Variants in KLHL15 observed in about 807,000 individuals in gnomAD.
KLHL15 encodes the protein kelch like family member 15.
A neutral mutation model predicts 29.3 loss-of-function variants in KLHL15; 1 was observed. That is an observed-to-expected ratio of 0.03 (90% CI 0.01 to 0.16). The LOEUF is 0.16. Ranked by LOEUF, KLHL15 falls within the 10% of genes least tolerant of loss-of-function variation. The pLI is 1.00. For missense variants in KLHL15, 215 were observed against 478.5 expected (o/e 0.45, Z 5.14); for synonymous variants, 212 against 184.5 (o/e 1.15, Z -1.21).
rs1036331601 is a variant in KLHL15 at position 24,025,060 on chromosome X, T to C, written c.-209-2A>G. On this transcript the variant is annotated splice_acceptor_variant, in intron 1 of 3. Transcript: ENST00000328046. LOFTEE classifies it low-confidence loss of function (5UTR_SPLICE). ...CCTGCAGCCCCCTCTGGATAAGTCC[T>C]GGGAAAGAAGACAGCGCTGAGTCGA... 7 of 296,116 alleles carry C rather than the reference T, an allele frequency of 2.4e-5. No individual in the cohort carries two copies. Among genetic ancestry groups the C allele is most frequent in the Non-Finnish European group, 2.9e-5 (5 of 169,524 alleles). 24.4% of individuals were successfully genotyped at this position (296,116 alleles called of 1,213,427 possible).
chrX:23,999,012 T>A (rs905761034), intron 3 of KLHL15, among the ~76,000 whole-genome samples: 2 of 111,295 alleles, frequency 1.8e-5, no homozygotes, highest in East Asian at 5.8e-4. Flanking sequence ...TTCAAGCGGA[T>A]TCTCCTGCCT....
chrX:24,027,036 A>G (rs1469690936), intron 1 of KLHL15, 104 bp downstream of exon 1: 1 of 112,647 alleles, frequency 8.9e-6, no homozygotes, highest in Non-Finnish European at 1.9e-5. Flanking sequence ...TCCACTTCTG[A>G]ATATTTAAAT....
chrX:24,000,486 TAAAA>T (rs1035699433), intron 3 of KLHL15, among the ~76,000 whole-genome samples: 3 of 91,860 alleles, frequency 3.3e-5, no homozygotes, highest in African/African-American at 1.5e-4. Context: ...AAATAAATAA[TAAAA>T]AAAGTTTGTT....
intron 3 of KLHL15, among the ~76,000 whole-genome samples, chrX:24,000,798 C>T (rs1929297782): frequency 8.9e-6 from 1 of 112,459 alleles, no homozygotes; most frequent in Admixed American, 9.5e-5. Flanking sequence ...GGGCATACAG[C>T]ACCTACAGTT....
chrX:24,025,262 G>A (rs1929900182), intron 1 of KLHL15, among the ~76,000 whole-genome samples: 1 of 110,507 alleles, frequency 9.0e-6, no homozygotes, highest in African/African-American at 3.3e-5. Flanking sequence ...AGCCGAGGAA[G>A]CGTCGAGGAC....
chrX:24,004,278 C>T (rs1929397699), intron 3 of KLHL15, among the ~76,000 whole-genome samples: 1 of 110,737 alleles, frequency 9.0e-6, no homozygotes, highest in Non-Finnish European at 1.9e-5. Flanking sequence ...ATTGCTGGAA[C>T]CCAGGAGGTG....
intron 2 of KLHL15, among the ~76,000 whole-genome samples, chrX:24,010,751 T>C (rs991254862): frequency 2.7e-5 from 3 of 111,472 alleles, no homozygotes; most frequent in African/African-American, 9.8e-5. Context: ...GGTATTTATA[T>C]GGACCCCGAG....
chrX:24,007,507 AAAT>A (rs1481439061), intron 2 of KLHL15, among the ~76,000 whole-genome samples: 15 of 51,883 alleles, frequency 2.9e-4, no homozygotes, highest in African/African-American at 1.4e-3. Context: ...AAAAAAAAAA[AAAT>A]ATATATATAT....
At position 24,025,057 on chromosome X, in the gene KLHL15, T is replaced by C; in HGVS notation, c.-208A>G. ...TCGCCTGCAGCCCCCTCTGGATAAG[T>C]CCTGGGAAAGAAGACAGCGCTGAGT... On this transcript the variant is annotated splice_region_variant and 5_prime_UTR_variant, in exon 2 of 4. Coordinates refer to ENST00000328046, the MANE Select transcript of KLHL15 (RefSeq NM_030624.3). 6.7e-6 allele frequency: 2 copies of C among 296,623 alleles called. No individual in the cohort carries two copies. The highest frequency in any genetic ancestry group is 1.2e-5 in the Non-Finnish European group (2 of 169,652). 24.4% of individuals were successfully genotyped at this position (296,623 alleles called of 1,213,427 possible).
At chrX:24,009,433 G>C (rs1376507101) in intron 2 of KLHL15, among the ~76,000 whole-genome samples, 1 of 111,102 alleles carries the variant, frequency 9.0e-6, no homozygotes, top group African/African-American at 3.3e-5. Flanking sequence ...GGGAGGCGGA[G>C]GTTGCAGTGA....
chrX:24,023,039 G>T (rs1929846044), intron 2 of KLHL15, among the ~76,000 whole-genome samples: 1 of 111,695 alleles, frequency 9.0e-6, no homozygotes, highest in South Asian at 3.7e-4. Context: ...CCGGCTCTCA[G>T]TGTTTTTTAA....
intron 2 of KLHL15, among the ~76,000 whole-genome samples, chrX:24,019,072 G>A (rs1470346720): frequency 8.9e-6 from 1 of 111,750 alleles, no homozygotes; most frequent in Non-Finnish European, 1.9e-5. Context: ...GTTTACACAT[G>A]GTATGTGATA....
chrX:24,011,957 T>A (rs1395351438), intron 2 of KLHL15, among the ~76,000 whole-genome samples: 1 of 112,534 alleles, frequency 8.9e-6, no homozygotes, highest in African/African-American at 3.2e-5. Context: ...AAGACCAGCC[T>A]GGCCAACATG....
chrX:24,005,941 G>A (rs1929438648), intron 3 of KLHL15, 48 bp downstream of exon 3: 2 of 967,121 alleles, frequency 2.1e-6, no homozygotes, highest in Non-Finnish European at 2.9e-6. Context: ...GACATACACT[G>A]CCTTAACTAA....
intron 2 of KLHL15, among the ~76,000 whole-genome samples, chrX:24,010,213 T>C (rs750102451): frequency 9.0e-6 from 1 of 111,065 alleles, no homozygotes; most frequent in Admixed American, 9.7e-5. Context: ...ACTGTCAACT[T>C]CCTACTTAAC....
chrX:24,021,039 T>C (rs1929793403), intron 2 of KLHL15, among the ~76,000 whole-genome samples: 1 of 111,920 alleles, frequency 8.9e-6, no homozygotes, highest in Non-Finnish European at 1.9e-5. Context: ...GGGTCTTACG[T>C]TAAAAACAGA....
At chrX:24,025,126 C>T (rs1023865814) in intron 1 of KLHL15, 68 bp from the exon 2 acceptor site, 21 of 294,365 alleles carry the variant, frequency 7.1e-5, no homozygotes, top group Non-Finnish European at 9.5e-5. Flanking sequence ...GGCGCGGCGT[C>T]GGGGCCCGGA....
At position 23,988,610 on chromosome X, in the gene KLHL15, C is replaced by T; in HGVS notation, c.1126G>A (p.Val376Ile). ...SVPRSEFAVG[V>I]IGKFIYAVAG... ...ACGGCGTAAATAAACTTCCCAATAA[C>T]ACCTACAGCAAATTCAGAGCGTGGT... Residue 376 changes from valine to isoleucine, a missense_variant, in exon 4 of 4, where the codon GTT becomes ATT. Val to Ile is a conservative substitution (Grantham distance 29). Coordinates refer to ENST00000328046, the MANE Select transcript of KLHL15 (RefSeq NM_030624.3). The T allele has an allele frequency of 1.7e-6, 2 of 1,211,333 alleles. No individual in the cohort carries two copies. Among genetic ancestry groups the T allele is most frequent in the Non-Finnish European group, 2.2e-6 (2 of 895,320 alleles).
intron 1 of KLHL15, among the ~76,000 whole-genome samples, chrX:24,025,323 C>CGCCG (rs1929903057): frequency 9.3e-6 from 1 of 107,033 alleles, no homozygotes; most frequent in South Asian, 4.0e-4. Context: ...GGATCACCCA[C>CGCCG]GCCGGGGGTG....
Sources: allele counts gnomAD v4.1 joint callset (sites outside exome capture counted in the v4.1 genomes callset), GRCh38; gene constraint gnomAD v4.1.1; transcripts MANE v1.5; gene names NCBI Gene and HGNC (gene_info 2026-07-23, HGNC 2026-07-21).